NTN1: variants seen among roughly 807,000 people sequenced by gnomAD.
NTN1 encodes netrin 1.
NTN1 carries 11 observed loss-of-function variants against 54.2 expected under a neutral mutation model. That is an observed-to-expected ratio of 0.20 (90% CI 0.13 to 0.34). The LOEUF is 0.34. Ranked by LOEUF, NTN1 falls within the 10% of genes least tolerant of loss-of-function variation. NTN1 has a pLI of 1.00. For missense variants in NTN1, 740 were observed against 893.1 expected (o/e 0.83, Z 2.18); for synonymous variants, 371 against 382.0 (o/e 0.97, Z 0.33).
chr17:9,158,172 G>T (rs977369142), intron 2 of NTN1, among the ~76,000 whole-genome samples: 1 of 152,208 alleles, frequency 6.6e-6, no homozygotes, highest in African/African-American at 2.4e-5. Flanking sequence ...GGGAGGGAAG[G>T]GAGCCCTGCC....
intron 2 of NTN1, among the ~76,000 whole-genome samples, chr17:9,127,266 G>A (rs1425197428): frequency 6.6e-6 from 1 of 152,170 alleles, no homozygotes; most frequent in African/African-American, 2.4e-5. Context: ...GATGACGGGG[G>A]CTTGGCTGGA....
intron 2 of NTN1, among the ~76,000 whole-genome samples, chr17:9,071,125 C>G (rs763398345): frequency 4.1e-4 from 63 of 152,324 alleles, no homozygotes; most frequent in Admixed American, 6.5e-4. Flanking sequence ...AGAGAATAAC[C>G]ACAAACCACT....
rs2091972013 is a variant in NTN1, at chr17:9,054,513, T to TA, written c.1018+31123dup. Among the ~76,000 whole-genome samples the TA allele has an allele frequency of 3.9e-5, 6 of 152,322 alleles. No individual in the cohort carries two copies. In the South Asian group the frequency reaches 1.2e-3, roughly 32 times the overall value. Reference sequence around the variant, plus strand: ...TAATGGGGATATTCATCTTGCCTTGTAGAGGGGGGTCTTTTACTGGAATGA... The same window carrying TA: ...TAATGGGGATATTCATCTTGCCTTGTAAGAGGGGGGTCTTTTACTGGAATGA... On this transcript the variant is annotated intron_variant, in intron 2 of 6. Coordinates refer to ENST00000173229, the MANE Select transcript of NTN1 (RefSeq NM_004822.3).
Position 9,117,153 on chromosome 17 carries a change from G to A in NTN1, c.1019-45660G>A, listed in dbSNP as rs76191315. On this transcript the variant is annotated intron_variant, in intron 2 of 6. Transcript: ENST00000173229. ...ATGATGTTATAGGAAAAAATGCAGC[G>A]TCTAAGGAAACAGCGCGTGAATAGA... 2.2e-4 allele frequency among the ~76,000 whole-genome samples: 34 copies of A among 152,322 alleles called. 1 individual carries two copies. In the East Asian group the frequency reaches 6.0e-3, roughly 27 times the overall value.
chr17:9,084,144 G>A (rs910656393), intron 2 of NTN1, among the ~76,000 whole-genome samples: 1 of 152,212 alleles, frequency 6.6e-6, no homozygotes, highest in African/African-American at 2.4e-5. Flanking sequence ...AGCACGTGTA[G>A]TTGCCCAGGC....
Position 9,243,799 on chromosome 17 carries a change from C to A in NTN1, c.*3831C>A, listed in dbSNP as rs559050496. The stretch of plus-strand genomic sequence containing the variant: ...TATTGTTTGGGTCAATGTCCCTTTC[C>A]AATGCATACTAATATATTATGGTTA... On this transcript the variant is annotated 3_prime_UTR_variant, in exon 7 of 7. Transcript: ENST00000173229. 6.7e-6 allele frequency: 1 copy of A among 148,820 alleles called. No individual in the cohort carries two copies. Among genetic ancestry groups the A allele is most frequent in the Non-Finnish European group, 1.5e-5 (1 of 67,742 alleles). 9.2% of individuals were successfully genotyped at this position (148,820 alleles called of 1,614,324 possible). A position where few individuals can be genotyped will look rare whatever the true frequency, so the allele number is the denominator to read the frequency against.
chr17:9,238,177 C>T lies in NTN1; in HGVS notation c.1487-1463C>T, dbSNP rs541508592. ...GCCAGCCAGCATAGGAGGGCAGGCT[C>T]AGCTGGGGTGGTTCCATTGTCTGGA... On this transcript the variant is annotated intron_variant, in intron 6 of 6. Transcript: ENST00000173229. Among the ~76,000 whole-genome samples the T allele has an allele frequency of 2.0e-4, 31 of 152,240 alleles. No individual in the cohort carries two copies. The South Asian group carries it at 4.6e-3, about 22-fold the overall frequency.
At chr17:9,145,543 C>A (rs988966228) in intron 2 of NTN1, among the ~76,000 whole-genome samples, 1 of 152,178 alleles carries the variant, frequency 6.6e-6, no homozygotes, top group Non-Finnish European at 1.5e-5. Flanking sequence ...CCCTGTCACT[C>A]CTGTGAGCTG....
chr17:9,060,191 C>T (rs996364376), intron 2 of NTN1, among the ~76,000 whole-genome samples: 1 of 152,128 alleles, frequency 6.6e-6, no homozygotes, highest in East Asian at 1.9e-4. Context: ...CCCACCCCTC[C>T]TCTCCTCCTC....
chr17:9,215,995 C>T (rs1905209760), intron 5 of NTN1, among the ~76,000 whole-genome samples: 1 of 152,210 alleles, frequency 6.6e-6, no homozygotes, highest in Non-Finnish European at 1.5e-5. Flanking sequence ...GGGTTTTACT[C>T]TGTCACTCAG....
At chr17:9,114,154 A>ATAT (rs1491588506) in intron 2 of NTN1, among the ~76,000 whole-genome samples, 76 of 39,174 alleles carry the variant, frequency 1.9e-3, no homozygotes, top group African/African-American at 6.9e-3. Context: ...AAAAAAAAAG[A>ATAT]AAAAAAAAAA....
At chr17:9,128,569 TCA>T (rs2092254459) in intron 2 of NTN1, among the ~76,000 whole-genome samples, 1 of 152,176 alleles carries the variant, frequency 6.6e-6, no homozygotes, top group Admixed American at 6.5e-5. Context: ...CCCCATTGTC[TCA>T]CACTACCATT....
rs2142210578 is a variant in NTN1 at position 9,064,969 on chromosome 17, C to G, written c.1018+41578C>G. On this transcript the variant is annotated intron_variant, in intron 2 of 6. Coordinates refer to ENST00000173229, the MANE Select transcript of NTN1 (RefSeq NM_004822.3). ...ATTTATTTATTGAGATGGCGCCTCT[C>G]TCTGTCGCCCAGGCTGGAGTGCAGT... Among the ~76,000 whole-genome samples the G allele has an allele frequency of 2.0e-5, 3 of 152,216 alleles. 1 individual carries two copies. Among genetic ancestry groups the G allele is most frequent in the Middle Eastern group, 6.8e-3 (2 of 294 alleles).
intron 2 of NTN1, among the ~76,000 whole-genome samples, chr17:9,038,265 C>CCA (rs1555563183): frequency 6.2e-5 from 9 of 144,178 alleles, no homozygotes; most frequent in South Asian, 2.2e-4. Flanking sequence ...TTCTCTCTCT[C>CCA]CACACACACA....
intron 6 of NTN1, among the ~76,000 whole-genome samples, chr17:9,233,922 C>T (rs1905895826): frequency 1.3e-5 from 2 of 152,174 alleles, no homozygotes; most frequent in Admixed American, 1.3e-4. Context: ...GATTCTACTT[C>T]TGCCCTCCTT....
intron 2 of NTN1, among the ~76,000 whole-genome samples, chr17:9,038,600 T>A (rs1172893950): frequency 6.6e-6 from 1 of 152,122 alleles, no homozygotes; most frequent in East Asian, 1.9e-4. Context: ...GCTCAAGGCA[T>A]TAAAGCCTGT....
intron 2 of NTN1, 61 bp from the exon 3 acceptor site, chr17:9,162,752 C>G: frequency 1.3e-6 from 2 of 1,511,110 alleles, no homozygotes; most frequent in Non-Finnish European, 9.0e-7. Flanking sequence ...TTTTGACGCT[C>G]TTGGGTGCCT....
At chr17:9,230,447 G>A (rs1905766605) in intron 6 of NTN1, among the ~76,000 whole-genome samples, 1 of 15,616 alleles carries the variant, frequency 6.4e-5, no homozygotes, top group Non-Finnish European at 1.1e-4. Flanking sequence ...CACCAGATGT[G>A]ACCCCCCCCC....
chr17:9,176,441 ACTTCCT>A (rs1422162320), intron 3 of NTN1: 2 of 152,162 alleles, frequency 1.3e-5, no homozygotes, highest in African/African-American at 4.8e-5. Context: ...GATGCTTTTG[ACTTCCT>A]CTTCCTCAAG....
Sources: gnomAD v4.1 joint callset for allele counts (sites outside exome capture counted in the v4.1 genomes callset) on GRCh38, gnomAD v4.1.1 for gene constraint, MANE v1.5 for transcripts, NCBI Gene and HGNC (gene_info 2026-07-23, HGNC 2026-07-21) for gene names.